Variants in RCAN2 observed in about 807,000 individuals in gnomAD.
RCAN2 encodes calcipressin-2.
RCAN2 carries 9 observed loss-of-function variants against 23.6 expected under a neutral mutation model. The ratio of observed to expected loss-of-function variants is 0.38; its 90% CI spans 0.23 to 0.67. The LOEUF (loss-of-function observed/expected upper bound fraction) is 0.67, where lower values mean the gene tolerates loss of function less well. Ranked by LOEUF, RCAN2 falls within the 30% of genes least tolerant of loss-of-function variation. RCAN2 has a pLI of 0.51. For synonymous variants in RCAN2, 109 were observed against 115.7 expected (o/e 0.94, Z 0.37); for missense variants, 273 against 302.3 (o/e 0.90, Z 0.72).
At chr6:46,463,634 T>G (rs781025036) in intron 1 of RCAN2, among the ~76,000 whole-genome samples, 59 of 152,182 alleles carry the variant, frequency 3.9e-4, no homozygotes, top group Non-Finnish European at 8.1e-4. Context: ...ATCTCTGGGA[T>G]TAAACATACT....
intron 2 of RCAN2, among the ~76,000 whole-genome samples, chr6:46,443,663 A>G (rs115182285): frequency 2.6e-4 from 39 of 152,282 alleles, no homozygotes; most frequent in African/African-American, 9.4e-4. Flanking sequence ...ATAAATATAA[A>G]TTGACGTATA....
intron 2 of RCAN2, among the ~76,000 whole-genome samples, chr6:46,298,175 A>G (rs1762779681): frequency 6.6e-6 from 1 of 152,144 alleles, no homozygotes; most frequent in Admixed American, 6.5e-5. Flanking sequence ...AGCAGCTTAG[A>G]AGGGAAAAAT....
Position 46,479,583 on chromosome 6 carries a change from CTTTT to C in RCAN2, c.-3+11586_-3+11589del, listed in dbSNP as rs57590590. On this transcript the variant is annotated intron_variant, in intron 1 of 4. Transcript: ENST00000371374. ...TGCCGTGCAGTAGGGTCTGTCTCACCTTTTTTTTTTTTTTTTTTTTTTGAGATAG... is the reference window on the plus strand; with the variant it reads ...TGCCGTGCAGTAGGGTCTGTCTCACCTTTTTTTTTTTTTTTTTTGAGATAG... 2.1e-3 allele frequency among the ~76,000 whole-genome samples: 183 copies of C among 89,228 alleles called. 1 individual carries two copies. The highest frequency in any genetic ancestry group is 6.8e-3 in the African/African-American group (159 of 23,504). The allele number at this position is 89,228 out of a possible 152,430, so 58.5% of individuals were successfully genotyped here. A position where few individuals can be genotyped will look rare whatever the true frequency, so the allele number is the denominator to read the frequency against.
intron 2 of RCAN2, among the ~76,000 whole-genome samples, chr6:46,384,662 T>C (rs1030820867): frequency 6.6e-6 from 1 of 152,190 alleles, no homozygotes; most frequent in Non-Finnish European, 1.5e-5. Context: ...AAATGGAGCC[T>C]TGCACAAAAA....
At chr6:46,301,175 T>C (rs970041832) in intron 2 of RCAN2, among the ~76,000 whole-genome samples, 2 of 152,048 alleles carry the variant, frequency 1.3e-5, no homozygotes, top group African/African-American at 4.8e-5. Context: ...GTTAACACCA[T>C]TGAATTTAAG....
intron 2 of RCAN2, among the ~76,000 whole-genome samples, chr6:46,397,193 T>C (rs1766115507): frequency 6.6e-6 from 1 of 152,190 alleles, no homozygotes. Flanking sequence ...ACTGTTTATG[T>C]AACATTCCAA....
At chr6:46,381,435 T>C (rs995735179) in intron 2 of RCAN2, among the ~76,000 whole-genome samples, 1 of 152,166 alleles carries the variant, frequency 6.6e-6, no homozygotes, top group South Asian at 2.1e-4. Context: ...TGAGGACACA[T>C]GTGACAATAT....
intron 2 of RCAN2, among the ~76,000 whole-genome samples, chr6:46,380,196 C>A (rs1765582020): frequency 6.6e-6 from 1 of 152,164 alleles, no homozygotes; most frequent in Non-Finnish European, 1.5e-5. Flanking sequence ...ACACACCCCC[C>A]TCAGAAAGGT....
chr6:46,444,929 A>G (rs970276199), intron 2 of RCAN2, among the ~76,000 whole-genome samples: 1 of 152,114 alleles, frequency 6.6e-6, no homozygotes, highest in Non-Finnish European at 1.5e-5. Flanking sequence ...CACTTGTCCC[A>G]GGTTCCACAC....
intron 2 of RCAN2, among the ~76,000 whole-genome samples, chr6:46,415,555 A>G (rs1020180240): frequency 3.9e-5 from 6 of 152,158 alleles, no homozygotes; most frequent in Admixed American, 2.6e-4. Context: ...TTGCATAAAC[A>G]AACTATGGAG....
rs935069518 is a variant in RCAN2, at chr6:46,221,984, T to C, written c.*1157A>G. On this transcript the variant is annotated 3_prime_UTR_variant, in exon 5 of 5. Transcript: ENST00000371374. ...TACATGTAGCTATCATCCTTCCCCATTTTAACATGCTCAGCTGCTGCTGCA... is the reference window on the plus strand; with the variant it reads ...TACATGTAGCTATCATCCTTCCCCACTTTAACATGCTCAGCTGCTGCTGCA... The C allele has an allele frequency of 5.0e-6, 2 of 398,544 alleles. No homozygotes were observed. The highest frequency in any genetic ancestry group is 8.8e-6 in the Non-Finnish European group (2 of 226,000). 24.7% of individuals were successfully genotyped at this position (398,544 alleles called of 1,614,324 possible). A position where few individuals can be genotyped will look rare whatever the true frequency, so the allele number is the denominator to read the frequency against.
At chr6:46,473,493 T>A (rs1768626877) in intron 1 of RCAN2, among the ~76,000 whole-genome samples, 1 of 152,148 alleles carries the variant, frequency 6.6e-6, no homozygotes, top group African/African-American at 2.4e-5. Context: ...AAATCACCAA[T>A]AAAATATCAG....
chr6:46,419,638 A>G (rs1440226734), intron 2 of RCAN2, among the ~76,000 whole-genome samples: 1 of 152,226 alleles, frequency 6.6e-6, no homozygotes, highest in East Asian at 1.9e-4. Flanking sequence ...TTTTTAAAAT[A>G]TAATAAAATT....
chr6:46,291,979 A>T (rs1442212), intron 2 of RCAN2, among the ~76,000 whole-genome samples: 3,922 of 152,306 alleles, frequency 0.026, 182 homozygotes, highest in African/African-American at 0.09. Flanking sequence ...CAAGTAGCTC[A>T]GCTTTTTCCA....
chr6:46,296,034 T>G (rs1235639166), intron 2 of RCAN2, among the ~76,000 whole-genome samples: 2 of 149,410 alleles, frequency 1.3e-5, no homozygotes, highest in Non-Finnish European at 3.0e-5. Context: ...TGCTGGGGAG[T>G]CACACTGCCT....
chr6:46,463,207 A>C (rs1768275139), intron 1 of RCAN2, among the ~76,000 whole-genome samples: 1 of 152,212 alleles, frequency 6.6e-6, no homozygotes, highest in Non-Finnish European at 1.5e-5. Flanking sequence ...CAGTCAAGTT[A>C]CGTTATCTAA....
At chr6:46,473,728 G>A (rs7453821) in intron 1 of RCAN2, among the ~76,000 whole-genome samples, 3 of 152,074 alleles carry the variant, frequency 2.0e-5, no homozygotes, top group Non-Finnish European at 4.4e-5. Context: ...CTGTGGATAA[G>A]GGAAAGGCTG....
Position 46,235,848 on chromosome 6 carries a change from A to G in RCAN2, c.571+10900T>C, listed in dbSNP as rs367920307. Among the ~76,000 whole-genome samples the G allele has an allele frequency of 9.8e-5, 15 of 152,314 alleles. No individual in the cohort carries two copies. The East Asian group carries it at 2.1e-3, about 22-fold the overall frequency. ...TGCTGGTTTCCCCACGACAGGAACT[A>G]ACTTCCGTGCCAGAATAAGCCACCT... is the stretch of plus-strand genomic sequence containing the variant. On this transcript the variant is annotated intron_variant, in intron 4 of 4. Transcript: ENST00000371374.
chr6:46,378,055 A>T (rs976282509), intron 2 of RCAN2, among the ~76,000 whole-genome samples: 1 of 152,228 alleles, frequency 6.6e-6, no homozygotes, highest in Non-Finnish European at 1.5e-5. Context: ...AGCTGTACAT[A>T]GTAGGCACTA....
Sources: allele counts gnomAD v4.1 joint callset (sites outside exome capture counted in the v4.1 genomes callset), GRCh38; gene constraint gnomAD v4.1.1; transcripts MANE v1.5; gene names NCBI Gene and HGNC (gene_info 2026-07-23, HGNC 2026-07-21).